LRRC19: variants seen among roughly 807,000 people sequenced by gnomAD.
LRRC19 encodes the protein leucine rich repeat containing 19.
LRRC19 carries 33 observed loss-of-function variants against 33.3 expected under a neutral mutation model. That is an observed-to-expected ratio of 0.99 (90% CI 0.75 to 1.33). The LOEUF (loss-of-function observed/expected upper bound fraction) is 1.33. LRRC19 is among the 40% of genes most tolerant of loss of function. LRRC19 has a pLI of 0.00. For missense variants in LRRC19, 463 were observed against 417.3 expected (o/e 1.11, Z -0.95); for synonymous variants, 184 against 152.3 (o/e 1.21, Z -1.53).
chr9:26,997,735 C>A lies in LRRC19; in HGVS notation c.588G>T (p.Val196=). The part of the protein sequence containing the change: ...NLQNWLNTSN[V]TLENENITMC... The stretch of plus-strand genomic sequence containing the variant: ...TTAATTATGATAGCTTACCTAATGT[C>A]ACATTTGATGTGTTCAACCAGTTCT... The change falls in exon 3 of 5, where the codon GTG becomes GTT. Residue 196 remains valine (V), a synonymous_variant. Coordinates refer to ENST00000380055, the MANE Select transcript of LRRC19 (RefSeq NM_022901.3). The A allele has an allele frequency of 1.3e-6, 2 of 1,589,986 alleles. No homozygotes were observed. The highest frequency in any genetic ancestry group is 2.3e-5 in the South Asian group (2 of 85,992).
intron 2 of LRRC19, among the ~76,000 whole-genome samples, chr9:26,998,535 C>T (rs183993915): frequency 1.6e-4 from 25 of 152,206 alleles, no homozygotes; most frequent in African/African-American, 5.5e-4. Flanking sequence ...TGGAATATTC[C>T]CATTTATATA....
rs1828065170 is a variant in LRRC19 at position 26,994,931 on chromosome 9, T to G, written c.*590A>C. On this transcript the variant is annotated 3_prime_UTR_variant, in exon 5 of 5. Coordinates refer to ENST00000380055, the MANE Select transcript of LRRC19 (RefSeq NM_022901.3). ...CTTTATAACCAGAATCAATAGTGAC[T>G]TATTAGGGATTATGCCTGAACATTG... 6.6e-6 allele frequency: 1 copy of G among 152,380 alleles called. No homozygotes were observed. The highest frequency in any genetic ancestry group is 2.1e-4 in the South Asian group (1 of 4,830). 9.4% of individuals were successfully genotyped at this position (152,380 alleles called of 1,614,324 possible).
intron 3 of LRRC19, among the ~76,000 whole-genome samples, chr9:26,996,778 C>A (rs1402298415): frequency 6.6e-6 from 1 of 152,070 alleles, no homozygotes; most frequent in Non-Finnish European, 1.5e-5. Context: ...CAATCTGGAT[C>A]TCAGGCACAG....
At position 26,993,643 on chromosome 9, in the gene LRRC19, C is replaced by G. The variant is rs1827990574; in HGVS notation, c.*1878G>C. Reference sequence around the variant, plus strand: ...CTTTTTTCTAAGGAATTGTCAAGTACATACAAATTTTTAAAACTTTATTAT... The same window carrying G: ...CTTTTTTCTAAGGAATTGTCAAGTAGATACAAATTTTTAAAACTTTATTAT... On this transcript the variant is annotated 3_prime_UTR_variant, in exon 5 of 5. Coordinates refer to ENST00000380055, the MANE Select transcript of LRRC19 (RefSeq NM_022901.3). 1 of 152,192 alleles carries G rather than the reference C, an allele frequency of 6.6e-6. No homozygotes were observed. Among genetic ancestry groups the G allele is most frequent in the African/African-American group, 2.4e-5 (1 of 41,422 alleles). 9.4% of individuals were successfully genotyped at this position (152,192 alleles called of 1,614,324 possible). A position where few individuals can be genotyped will look rare whatever the true frequency, so the allele number is the denominator to read the frequency against.
rs1402722725 is a variant in LRRC19 at position 26,994,252 on chromosome 9, A to G, written c.*1269T>C. ...TTTTACATAAATCCTATTGTAAAGA[A>G]TCTTGGCCAGGCACGGTGCTCCATG... On this transcript the variant is annotated 3_prime_UTR_variant, in exon 5 of 5. Transcript: ENST00000380055. 1.3e-5 allele frequency: 2 copies of G among 152,270 alleles called. No homozygotes were observed. The highest frequency in any genetic ancestry group is 1.9e-4 in the East Asian group (1 of 5,178). 9.4% of individuals were successfully genotyped at this position (152,270 alleles called of 1,614,324 possible).
At chr9:26,999,725 T>G (rs998421481) in intron 1 of LRRC19, 22 bp from the exon 2 acceptor site, 7 of 1,488,942 alleles carry the variant, frequency 4.7e-6, no homozygotes, top group African/African-American at 1.4e-5. Context: ...GAGAGTATTT[T>G]CATTAAGGAC....
intron 3 of LRRC19, among the ~76,000 whole-genome samples, chr9:26,997,368 C>T (rs1165420077): frequency 7.9e-6 from 1 of 127,092 alleles, no homozygotes; most frequent in Non-Finnish European, 1.6e-5. Flanking sequence ...GAGTCTCACT[C>T]TGTTGCCCAG....
Position 26,996,320 on chromosome 9 carries a change from T to G in LRRC19, c.775A>C (p.Arg259=), listed in dbSNP as rs1828153248. 1.3e-6 allele frequency: 2 copies of G among 1,584,434 alleles called. No homozygotes were observed. The highest frequency in any genetic ancestry group is 1.7e-6 in the Non-Finnish European group (2 of 1,159,290). ...AGAACCAGTATATTACCTGAATTTC[T>G]TGTTAAGTTGTTCGAAGAGCTATTA... ...IFNSSSNNLT[R]NSEHEPLGKS... Residue 259 remains arginine (R), a synonymous_variant, in exon 4 of 5, where the codon AGA becomes CGA. Transcript: ENST00000380055.
chr9:26,994,577 C>T lies in LRRC19; in HGVS notation c.*944G>A, dbSNP rs1379670817. ...AAAAAGAAAAAGAATCTTGTTTCAC[C>T]TTGTTTAAACTACTAGTTTTTCCTG... On this transcript the variant is annotated 3_prime_UTR_variant, in exon 5 of 5. Coordinates refer to ENST00000380055, the MANE Select transcript of LRRC19 (RefSeq NM_022901.3). 1 of 152,014 alleles carries T rather than the reference C, an allele frequency of 6.6e-6. No individual in the cohort carries two copies. The highest frequency in any genetic ancestry group is 6.6e-5 in the Admixed American group (1 of 15,174). The allele number at this position is 152,014 out of a possible 1,614,324, so 9.4% of individuals were successfully genotyped here.
intron 2 of LRRC19, 94 bp from the exon 3 acceptor site, chr9:26,998,335 C>T (rs72703110): frequency 0.041 from 30,421 of 739,070 alleles, 1,021 homozygotes; most frequent in South Asian, 0.16. Flanking sequence ...ATTAGAAGGA[C>T]GTTATTTTGG....
rs1828250812 is a variant in LRRC19, at chr9:26,997,935, G to T, written c.388C>A (p.Gln130Lys). ...LNKLKQLYLC[Q>K]NKIEQLNADV... is the part of the protein sequence containing the mutation. ...GCATTCAGTTGTTCTATTTTGTTTT[G>T]GCAGAGATATAACTGTTTTAGTTTA... is the stretch of plus-strand genomic sequence containing the variant. Residue 130 changes from glutamine to lysine, a missense_variant, in exon 3 of 5, where the codon CAA becomes AAA. By Grantham distance (53) the Gln-to-Lys change is moderately conservative. Transcript: ENST00000380055. 6.2e-7 allele frequency: 1 copy of T among 1,613,732 alleles called. No individual in the cohort carries two copies. The highest frequency in any genetic ancestry group is 1.3e-5 in the African/African-American group (1 of 74,860).
At chr9:27,003,767 A>T (rs953388352) in intron 1 of LRRC19, among the ~76,000 whole-genome samples, 3 of 152,140 alleles carry the variant, frequency 2.0e-5, no homozygotes, top group Non-Finnish European at 4.4e-5. Flanking sequence ...TAAAATTTGG[A>T]TGTAGATCAT....
Position 26,995,827 on chromosome 9 carries a change from A to C in LRRC19, c.807T>G (p.Ser269Arg). 6.2e-7 allele frequency: 1 copy of C among 1,603,492 alleles called. No homozygotes were observed. Among genetic ancestry groups the C allele is most frequent in the Non-Finnish European group, 8.5e-7 (1 of 1,174,492 alleles). Residue 269 changes from serine to arginine, a missense_variant, in exon 5 of 5, where the codon AGT becomes AGG. Transcript: ENST00000380055. ...CAACAACACCAACAAGAAAAGCCCA[A>C]CTTTTTCCAAGAGGTTCATGTTCTT... ...RNSEHEPLGK[S>R]WAFLVGVVVT...
At position 26,996,502 on chromosome 9, in the gene LRRC19, A is replaced by G. The variant is rs1400878090; in HGVS notation, c.596-3T>C. The G allele has an allele frequency of 2.8e-6, 4 of 1,423,428 alleles. No homozygotes were observed. The highest frequency in any genetic ancestry group is 3.7e-6 in the Non-Finnish European group (4 of 1,075,274). The allele number at this position is 1,423,428 out of a possible 1,614,324, so 88.2% of individuals were successfully genotyped here. On this transcript the variant is annotated splice_polypyrimidine_tract_variant and splice_region_variant and intron_variant, in intron 3 of 4. Coordinates refer to ENST00000380055, the MANE Select transcript of LRRC19 (RefSeq NM_022901.3). Reference sequence around the variant, plus strand: ...ACACATGGTGATGTTCTCATTTTCTAGTAAATCAGAAAGAATAAGATTTAG... The same window carrying G: ...ACACATGGTGATGTTCTCATTTTCTGGTAAATCAGAAAGAATAAGATTTAG...
In LRRC19 at chr9:26,994,087, A is replaced by G. The variant is rs1224232169; in HGVS notation, c.*1434T>C. The G allele has an allele frequency of 6.6e-6, 1 of 152,180 alleles. No individual in the cohort carries two copies. Among genetic ancestry groups the G allele is most frequent in the African/African-American group, 2.4e-5 (1 of 41,444 alleles). The allele number at this position is 152,180 out of a possible 1,614,324, so 9.4% of individuals were successfully genotyped here. The stretch of plus-strand genomic sequence containing the variant: ...ACAGCCGATAGGCCAGTGTTTTCCA[A>G]ACTACGTTCTTTGGAATGTTATTGA... On this transcript the variant is annotated 3_prime_UTR_variant, in exon 5 of 5. Coordinates refer to ENST00000380055, the MANE Select transcript of LRRC19 (RefSeq NM_022901.3).
chr9:26,999,152 G>A (rs1039263562), intron 2 of LRRC19, among the ~76,000 whole-genome samples: 1 of 152,112 alleles, frequency 6.6e-6, no homozygotes, highest in Non-Finnish European at 1.5e-5. Flanking sequence ...CACACAATCT[G>A]AAATTCTTTA....
At chr9:27,005,289 T>C (rs528809444) in intron 1 of LRRC19, among the ~76,000 whole-genome samples, 2 of 150,314 alleles carry the variant, frequency 1.3e-5, no homozygotes, top group South Asian at 4.2e-4. Context: ...TTCAGAATGC[T>C]CTGTGATTAA....
chr9:27,004,386 G>A (rs943967825), intron 1 of LRRC19, among the ~76,000 whole-genome samples: 2 of 152,148 alleles, frequency 1.3e-5, no homozygotes, highest in African/African-American at 4.8e-5. Context: ...AGCATCGTTA[G>A]GTCTGAAGCT....
chr9:27,001,523 C>T (rs747946082), intron 1 of LRRC19, among the ~76,000 whole-genome samples: 3 of 152,118 alleles, frequency 2.0e-5, no homozygotes, highest in Non-Finnish European at 4.4e-5. Context: ...GATTATATAT[C>T]ATTGTAGTTT....
Sources: allele counts gnomAD v4.1 joint callset (sites outside exome capture counted in the v4.1 genomes callset), GRCh38; gene constraint gnomAD v4.1.1; transcripts MANE v1.5; gene names NCBI Gene and HGNC (gene_info 2026-07-23, HGNC 2026-07-21).